FUT8: variants seen among roughly 807,000 people sequenced by gnomAD.
FUT8 encodes the protein fucosyltransferase 8, also known as alpha-(1,6)-fucosyltransferase.
FUT8 carries 29 observed loss-of-function variants against 71.3 expected under a neutral mutation model. The ratio of observed to expected loss-of-function variants is 0.41; its 90% CI spans 0.30 to 0.55. The LOEUF is 0.55. Among genes scored for constraint, FUT8 ranks in the 20% least tolerant of loss-of-function variants. The pLI is 0.34. For missense variants in FUT8, 544 were observed against 702.1 expected, an observed-to-expected ratio of 0.77 and a Z score of 2.55; for synonymous variants, 254 against 239.3, an observed-to-expected ratio of 1.06 and a Z score of -0.57.
Position 65,652,601 on chromosome 14 carries a change from T to G in FUT8, c.598-16642T>G, listed in dbSNP as rs1324409104. Among the ~76,000 whole-genome samples, 1 of 152,126 alleles carries G rather than the reference T, an allele frequency of 6.6e-6. No homozygotes were observed. The highest frequency in any genetic ancestry group is 1.5e-5 in the Non-Finnish European group (1 of 68,022). On this transcript the variant is annotated intron_variant, in intron 6 of 10. Coordinates refer to ENST00000673929, the MANE Select transcript of FUT8 (RefSeq NM_001371533.1). The surrounding 1 kb of genome is among the most constrained non-coding windows in gnomAD (Gnocchi z 4.0). Reference sequence around the variant, plus strand: ...AACATTCCTGGGACTGTCTTCTGATTTTCTTATTAGGTAAACAACGTGTTC... The same window carrying G: ...AACATTCCTGGGACTGTCTTCTGATGTTCTTATTAGGTAAACAACGTGTTC...
intron 2 of FUT8, among the ~76,000 whole-genome samples, chr14:65,495,967 T>C (rs1241168518): frequency 1.3e-5 from 2 of 152,108 alleles, no homozygotes; most frequent in Admixed American, 6.6e-5. Flanking sequence ...GTGTAGTGTT[T>C]TAAAAAATAA....
At chr14:65,375,853 G>A in the FUT8 span, among the ~76,000 whole-genome samples, 1 of 88,394 alleles carries the variant, frequency 1.1e-5, no homozygotes, top group African/African-American at 3.5e-5. Flanking sequence ...CACTTTGGGA[G>A]GCCAAGGCGG....
chr14:65,678,904 A>C (rs1371562521), intron 7 of FUT8, among the ~76,000 whole-genome samples: 2 of 152,220 alleles, frequency 1.3e-5, no homozygotes, highest in East Asian at 3.8e-4. Flanking sequence ...ACATAATGCC[A>C]GACCAGCAGA....
chr14:65,440,994 A>G (rs2065646085), intron 1 of FUT8, among the ~76,000 whole-genome samples: 1 of 152,220 alleles, frequency 6.6e-6, no homozygotes, highest in Non-Finnish European at 1.5e-5. Context: ...AACTAGAGCT[A>G]CATTTTATAC....
chr14:65,689,211 T>C (rs2140430737), intron 7 of FUT8, among the ~76,000 whole-genome samples: 1 of 152,312 alleles, frequency 6.6e-6, no homozygotes, highest in African/African-American at 2.4e-5. Context: ...CTAATAGATA[T>C]GTGGTAGTAT....
chr14:65,425,697 G>T (rs1433523918), intron 1 of FUT8, among the ~76,000 whole-genome samples: 1 of 151,888 alleles, frequency 6.6e-6, no homozygotes, highest in Non-Finnish European at 1.5e-5. Flanking sequence ...CTCCTTTCTG[G>T]CTGGGAGCAG....
At chr14:65,617,082 T>G (rs1889323261) in intron 5 of FUT8, 2 of 1,587,226 alleles carry the variant, frequency 1.3e-6, no homozygotes, top group Non-Finnish European at 1.7e-6. Context: ...AGTCTATGTT[T>G]CCAGTAGGAT....
chr14:65,716,648 A>G (rs1269849970), intron 7 of FUT8, among the ~76,000 whole-genome samples: 1 of 152,046 alleles, frequency 6.6e-6, no homozygotes, highest in Non-Finnish European at 1.5e-5. Context: ...CAGACACAGT[A>G]ACAATCTGAT....
intron 2 of FUT8, among the ~76,000 whole-genome samples, chr14:65,560,312 A>G (rs1054053625): frequency 1.3e-5 from 2 of 152,084 alleles, no homozygotes; most frequent in African/African-American, 2.4e-5. Context: ...TCTCTTCTAT[A>G]GCTTTAAAAT....
At chr14:65,568,410 C>T (rs1158725365) in intron 3 of FUT8, among the ~76,000 whole-genome samples, 3 of 150,542 alleles carry the variant, frequency 2.0e-5, no homozygotes, top group African/African-American at 4.9e-5. Flanking sequence ...TCTTTTATGT[C>T]CTGGAAAGCC....
intron 1 of FUT8, among the ~76,000 whole-genome samples, chr14:65,443,091 T>TG (rs1449013272): frequency 1.3e-5 from 2 of 152,298 alleles, no homozygotes; most frequent in East Asian, 3.9e-4. Flanking sequence ...AGAATGTTTC[T>TG]GCAAACCTGA....
Position 65,448,581 on chromosome 14 carries a change from G to A in FUT8, c.-325-7040G>A, listed in dbSNP as rs201886851. Among the ~76,000 whole-genome samples, 3 of 152,144 alleles carry A rather than the reference G, an allele frequency of 2.0e-5. No homozygotes were observed. The East Asian group carries it at 5.8e-4, about 29-fold the overall frequency. On this transcript the variant is annotated intron_variant, in intron 1 of 10. Coordinates refer to ENST00000673929, the MANE Select transcript of FUT8 (RefSeq NM_001371533.1). ...GAGTAGAAACTATTAAATATAATAT[G>A]TGTTAAGGTAGTGTGCTAGAAATCA... is the stretch of plus-strand genomic sequence containing the variant.
chr14:65,718,319 T>C (rs1336750825), intron 7 of FUT8, among the ~76,000 whole-genome samples: 1 of 152,236 alleles, frequency 6.6e-6, no homozygotes, highest in Non-Finnish European at 1.5e-5. Context: ...TTGGCACCGA[T>C]TGCATAAACA....
intron 2 of FUT8, among the ~76,000 whole-genome samples, chr14:65,459,053 T>G (rs2065935925): frequency 6.6e-6 from 1 of 152,174 alleles, no homozygotes; most frequent in Non-Finnish European, 1.5e-5. Flanking sequence ...CCTCCTGAAG[T>G]GCTGGGATTA....
At position 65,607,917 on chromosome 14, in the gene FUT8, T is replaced by G. The variant is rs4902407; in HGVS notation, c.204-8061T>G. ...GTCTCTACGAAAAATACAAAAAAAT[T>G]AGCTGGGTGTGGCGGCGCATGCCTG... On this transcript the variant is annotated intron_variant, in intron 3 of 10. Transcript: ENST00000673929. The surrounding 1 kb of genome is among the most constrained non-coding windows in gnomAD (Gnocchi z 4.1). Among the ~76,000 whole-genome samples, 54,514 of 151,334 alleles carry G rather than the reference T, an allele frequency of 0.36. 12,587 individuals carry two copies. The highest frequency in any genetic ancestry group is 0.51 in the Non-Finnish European group (34,252 of 67,660).
intron 2 of FUT8, among the ~76,000 whole-genome samples, chr14:65,470,942 C>T (rs1289781708): frequency 6.6e-6 from 1 of 151,958 alleles, no homozygotes; most frequent in Non-Finnish European, 1.5e-5. Flanking sequence ...AGAAAGCCAC[C>T]GCCATCACTA....
intron 3 of FUT8, among the ~76,000 whole-genome samples, chr14:65,598,390 G>T (rs1888108811): frequency 6.6e-6 from 1 of 151,884 alleles, no homozygotes; most frequent in African/African-American, 2.4e-5. Flanking sequence ...CCCCAGCTAA[G>T]TTTTGTGTTT....
intron 2 of FUT8, among the ~76,000 whole-genome samples, chr14:65,505,345 C>G (rs568115946): frequency 7.4e-6 from 1 of 135,578 alleles, no homozygotes; most frequent in East Asian, 2.2e-4. Context: ...CAGAGTCTCG[C>G]TCTGTCACCC....
chr14:65,620,398 T>C (rs1206639393), intron 5 of FUT8, among the ~76,000 whole-genome samples: 1 of 152,218 alleles, frequency 6.6e-6, no homozygotes, highest in East Asian at 1.9e-4. Flanking sequence ...TGAATGATAC[T>C]TATGTTAATT....
Sources: gnomAD v4.1 joint callset for allele counts (sites outside exome capture counted in the v4.1 genomes callset) on GRCh38, gnomAD v4.1.1 for gene constraint, Gnocchi (gnomAD v3.1) non-coding constraint, MANE v1.5 for transcripts, NCBI Gene and HGNC (gene_info 2026-07-23, HGNC 2026-07-21) for gene names.